INPP4A: variants seen among roughly 807,000 people sequenced by gnomAD.
INPP4A encodes inositol polyphosphate-4-phosphatase, type I, 107kD.
INPP4A carries 33 observed loss-of-function variants against 119.8 expected under a neutral mutation model. That is an observed-to-expected ratio of 0.28 (90% CI 0.21 to 0.37). INPP4A has a LOEUF of 0.37. Among genes scored for constraint, INPP4A ranks in the 10% least tolerant of loss-of-function variants. The pLI, the probability that INPP4A is intolerant of heterozygous loss-of-function variation, is 1.00. For synonymous variants in INPP4A, 496 were observed against 500.7 expected (o/e 0.99, Z 0.12); for missense variants, 956 against 1,289.9 (o/e 0.74, Z 3.97).
Position 98,546,166 on chromosome 2 carries a change from C to A in INPP4A, c.1054+93C>A. 1.1e-6 allele frequency: 1 copy of A among 871,800 alleles called. No homozygotes were observed. The highest frequency in any genetic ancestry group is 1.8e-6 in the Non-Finnish European group (1 of 542,884). 54.0% of individuals were successfully genotyped at this position (871,800 alleles called of 1,614,324 possible). ...CTGAGTACCCCACATCTGCCCATTT[C>A]CCTGTGTGCTCTGGGCGGCTCGGAG... On this transcript the variant is annotated intron_variant, in intron 12 of 24. Transcript: ENST00000409851. The surrounding 1 kb of genome is among the most constrained non-coding windows in gnomAD (Gnocchi z 4.2).
rs148841597 is a variant in INPP4A at position 98,462,663 on chromosome 2, C to G, written c.-166+17578C>G. 1.4e-3 allele frequency among the ~76,000 whole-genome samples: 214 copies of G among 151,256 alleles called. 10 individuals are homozygous for G. In the East Asian group the frequency reaches 0.037, roughly 26 times the overall value. On this transcript the variant is annotated intron_variant, in intron 1 of 24. Transcript: ENST00000409851. The stretch of plus-strand genomic sequence containing the variant: ...ACTTTAGCCTCCTGAGTAGCTGGGA[C>G]TACAGGTGTATGCCACCATGCCTGG...
intron 1 of INPP4A, among the ~76,000 whole-genome samples, chr2:98,486,375 CCT>C (rs1679537076): frequency 6.6e-6 from 1 of 152,190 alleles, no homozygotes; most frequent in African/African-American, 2.4e-5. Flanking sequence ...GCTTCCCTGT[CCT>C]CTCTGTTTGC....
chr2:98,587,377 T>C, intron 24 of INPP4A, 99 bp from the exon 25 acceptor site: 1 of 1,216,168 alleles, frequency 8.2e-7, no homozygotes, highest in Non-Finnish European at 1.1e-6. Context: ...AATCTTTTTT[T>C]TAATGTTATG....
At chr2:98,529,100 T>G (rs1437997871) in intron 4 of INPP4A, among the ~76,000 whole-genome samples, 1 of 151,582 alleles carries the variant, frequency 6.6e-6, no homozygotes, top group Non-Finnish European at 1.5e-5. Flanking sequence ...AAAAAATTTC[T>G]ATTCATCAAA....
chr2:98,559,696 C>A (rs969747333), intron 17 of INPP4A, among the ~76,000 whole-genome samples: 7 of 152,344 alleles, frequency 4.6e-5, no homozygotes, highest in African/African-American at 1.7e-4. Context: ...TGGCCTGAGG[C>A]AGACTACCAC....
chr2:98,519,341 GT>G (rs1418182541), intron 2 of INPP4A: 1 of 152,264 alleles, frequency 6.6e-6, no homozygotes, highest in Non-Finnish European at 1.5e-5. Context: ...CTGTGGCAGT[GT>G]TTTACCCAGA....
At chr2:98,587,413 G>T in intron 24 of INPP4A, 63 bp from the exon 25 acceptor site, 1 of 1,451,138 alleles carries the variant, frequency 6.9e-7, no homozygotes, top group South Asian at 1.4e-5. Flanking sequence ...TTTCATCTTA[G>T]TTTAAGTCTT....
chr2:98,564,215 T>C (rs901060163), intron 18 of INPP4A, among the ~76,000 whole-genome samples: 7 of 152,112 alleles, frequency 4.6e-5, no homozygotes, highest in Non-Finnish European at 8.8e-5. Flanking sequence ...CCATAGAAAA[T>C]CTCCCACTGG....
chr2:98,455,991 C>G (rs1696075618), intron 1 of INPP4A, among the ~76,000 whole-genome samples: 1 of 152,178 alleles, frequency 6.6e-6, no homozygotes. Context: ...TTCTGAGGCC[C>G]TTTGCAGACA....
chr2:98,583,197 T>G (rs896969698), intron 24 of INPP4A, among the ~76,000 whole-genome samples: 1 of 150,308 alleles, frequency 6.7e-6, no homozygotes, highest in Non-Finnish European at 1.5e-5. Flanking sequence ...TTATATACTT[T>G]TATTTATTTT....
chr2:98,565,898 A>G, intron 20 of INPP4A, 131 bp from the exon 21 acceptor site: 1 of 1,496,966 alleles, frequency 6.7e-7, no homozygotes, highest in Admixed American at 2.1e-5. Context: ...CCCCTAGGTT[A>G]GTGCCACTCC....
intron 1 of INPP4A, among the ~76,000 whole-genome samples, chr2:98,475,372 A>G (rs1228351956): frequency 6.6e-6 from 1 of 152,130 alleles, no homozygotes; most frequent in African/African-American, 2.4e-5. Flanking sequence ...AAATTAAGAG[A>G]GACCTCTAAA....
At chr2:98,535,587 A>G (rs1183547688) in intron 5 of INPP4A, 142 bp from the exon 6 acceptor site, 5 of 591,126 alleles carry the variant, frequency 8.5e-6, no homozygotes, top group African/African-American at 5.8e-5. Context: ...TTATGTATTT[A>G]TTTAAGCCGC....
At chr2:98,453,067 A>G (rs539946947) in intron 1 of INPP4A, among the ~76,000 whole-genome samples, 5 of 152,316 alleles carry the variant, frequency 3.3e-5, no homozygotes, top group East Asian at 1.9e-4. Context: ...TACAACTCCA[A>G]CTTGATGTTT....
chr2:98,472,866 G>A (rs1255330837), intron 1 of INPP4A, among the ~76,000 whole-genome samples: 1 of 152,240 alleles, frequency 6.6e-6, no homozygotes, highest in East Asian at 1.9e-4. Context: ...CTCTCCATGA[G>A]GTGCTCTTTC....
At position 98,513,157 on chromosome 2, in the gene INPP4A, G is replaced by A. The variant is rs1007849564; in HGVS notation, c.-165-5807G>A. Among the ~76,000 whole-genome samples the A allele has an allele frequency of 2.0e-5, 3 of 152,094 alleles. No individual in the cohort carries two copies. In the East Asian group the frequency reaches 5.8e-4, roughly 29 times the overall value. ...ATTAGAATCAAGGACCCCAACTGCT[G>A]TATCGTAGGCCCAACTCCTCCTGCA... On this transcript the variant is annotated intron_variant, in intron 1 of 24. Transcript: ENST00000409851.
intron 22 of INPP4A, among the ~76,000 whole-genome samples, chr2:98,572,362 G>C (rs1006034345): frequency 1.3e-5 from 2 of 152,210 alleles, no homozygotes; most frequent in African/African-American, 2.4e-5. Flanking sequence ...TGGGCCAAGG[G>C]CCCCCTGGAG....
rs1700318207 is a variant in INPP4A, at chr2:98,590,477, G to A, written c.*2869G>A. On this transcript the variant is annotated 3_prime_UTR_variant, in exon 25 of 25. Coordinates refer to ENST00000409851, the MANE Select transcript of INPP4A (RefSeq NM_001134225.2). ...TCCGTTTCCTCATGTGCAAAGTGTG[G>A]ACAACAACAGTACCTTCCTCATAAG... 1 of 191,128 alleles carries A rather than the reference G, an allele frequency of 5.2e-6. No individual in the cohort carries two copies. Among genetic ancestry groups the A allele is most frequent in the Non-Finnish European group, 1.1e-5 (1 of 91,350 alleles). The allele number at this position is 191,128 out of a possible 1,614,324, so 11.8% of individuals were successfully genotyped here. A position where few individuals can be genotyped will look rare whatever the true frequency, so the allele number is the denominator to read the frequency against.
rs984697497 is a variant in INPP4A, at chr2:98,560,064, C to T, written c.1855+569C>T. ...GCTTTTGTGCAGCAGTGCCAGAGTTCGTTGCAGCAGAGAACCCGTGGCCTT... is the reference window on the plus strand; with the variant it reads ...GCTTTTGTGCAGCAGTGCCAGAGTTTGTTGCAGCAGAGAACCCGTGGCCTT... On this transcript the variant is annotated intron_variant, in intron 17 of 24. Transcript: ENST00000409851. Among the ~76,000 whole-genome samples, 7 of 152,172 alleles carry T rather than the reference C, an allele frequency of 4.6e-5. No homozygotes were observed. In the South Asian group the frequency reaches 6.2e-4, roughly 14 times the overall value.
Sources: gnomAD v4.1 joint callset for allele counts (sites outside exome capture counted in the v4.1 genomes callset) on GRCh38, gnomAD v4.1.1 for gene constraint, Gnocchi (gnomAD v3.1) non-coding constraint, MANE v1.5 for transcripts, NCBI Gene and HGNC (gene_info 2026-07-23, HGNC 2026-07-21) for gene names.